Variants in FCF1 observed in about 807,000 individuals in gnomAD.
FCF1 encodes the protein rRNA-processing protein FCF1 homolog.
In FCF1, 17 loss-of-function variants were observed where a neutral mutation model predicts 32.5. The observed-to-expected ratio is 0.52, with a 90% CI of 0.36 to 0.78. The LOEUF is 0.78. FCF1 is among the 30% of genes least tolerant of loss of function. FCF1 has a pLI of 0.00. For synonymous variants in FCF1, 84 were observed against 78.4 expected, an observed-to-expected ratio of 1.07 and a Z score of -0.38; for missense variants, 201 against 241.1, an observed-to-expected ratio of 0.83 and a Z score of 1.10.
intron 5 of FCF1, among the ~76,000 whole-genome samples, chr14:74,727,410 G>C (rs2090588971): frequency 6.6e-6 from 1 of 152,136 alleles, no homozygotes; most frequent in Admixed American, 6.6e-5. Flanking sequence ...GTCTTCTTTT[G>C]AGTAGTGTCT....
intron 2 of FCF1, among the ~76,000 whole-genome samples, chr14:74,713,910 A>AGAT (rs1308343499): frequency 6.6e-6 from 1 of 152,260 alleles, no homozygotes; most frequent in African/African-American, 2.4e-5. Flanking sequence ...TCTTGTTGAA[A>AGAT]GATGGCAAGG....
Position 74,715,524 on chromosome 14 carries a change from T to C in FCF1, c.144-427T>C, listed in dbSNP as rs185612552. 2.8e-3 allele frequency: 834 copies of C among 298,982 alleles called. 3 individuals are homozygous for C. The highest frequency in any genetic ancestry group is 3.8e-3 in the Non-Finnish European group (587 of 154,632). The allele number at this position is 298,982 out of a possible 1,614,324, so 18.5% of individuals were successfully genotyped here. On this transcript the variant is annotated intron_variant, in intron 3 of 7. Coordinates refer to ENST00000341162, the MANE Select transcript of FCF1 (RefSeq NM_015962.5). ...GGGCTAGATGTGATACAGGTCCTGCTGTAGTATATAATCCTAACACTAGAC... is the reference window on the plus strand; with the variant it reads ...GGGCTAGATGTGATACAGGTCCTGCCGTAGTATATAATCCTAACACTAGAC...
At chr14:74,714,344 AATT>A (rs1460703956) in intron 2 of FCF1, among the ~76,000 whole-genome samples, 7 of 152,348 alleles carry the variant, frequency 4.6e-5, no homozygotes, top group Admixed American at 2.0e-4. Context: ...AAACCTTCAG[AATT>A]ATTATTCTCA....
chr14:74,713,205 G>C lies in FCF1; in HGVS notation c.3+5G>C. The C allele has an allele frequency of 1.2e-6, 2 of 1,614,244 alleles. No individual in the cohort carries two copies. The highest frequency in any genetic ancestry group is 1.7e-6 in the Non-Finnish European group (2 of 1,180,054). ...CAGGAGTTTGGCGTGACCATGGTGA[G>C]AGAAGACGGTCCAAGAAGGGACGTT... On this transcript the variant is annotated splice_donor_5th_base_variant and intron_variant, in intron 1 of 7. Transcript: ENST00000341162.
At chr14:74,718,211 T>G (rs1290083291) in intron 4 of FCF1, among the ~76,000 whole-genome samples, 5 of 152,152 alleles carry the variant, frequency 3.3e-5, no homozygotes, top group Non-Finnish European at 2.9e-5. Context: ...TCCTCTTACC[T>G]TGAAAAGGCC....
At chr14:74,723,492 C>T (rs2090534097) in intron 5 of FCF1, 148 bp downstream of exon 5, 1 of 584,070 alleles carries the variant, frequency 1.7e-6, no homozygotes. Flanking sequence ...CTTTCTCTCA[C>T]ACAAAAATCA....
Position 74,723,269 on chromosome 14 carries a change from C to A in FCF1, c.293-3C>A. 1 of 1,610,580 alleles carries A rather than the reference C, an allele frequency of 6.2e-7. No individual in the cohort carries two copies. The highest frequency in any genetic ancestry group is 8.5e-7 in the Non-Finnish European group (1 of 1,177,174). ...TCTTAATGTGAATTTTTTTCCCTGG[C>A]AGGTATCCCATGTATAACCGATTGT... On this transcript the variant is annotated splice_region_variant and splice_polypyrimidine_tract_variant and intron_variant, in intron 4 of 7. Transcript: ENST00000341162.
At chr14:74,713,875 C>T (rs2090371998) in intron 2 of FCF1, among the ~76,000 whole-genome samples, 1 of 152,126 alleles carries the variant, frequency 6.6e-6, no homozygotes, top group Admixed American at 6.5e-5. Context: ...ACTACATTCC[C>T]CTGGGGTGGG....
chr14:74,720,156 A>T (rs2090481247), intron 4 of FCF1, among the ~76,000 whole-genome samples: 1 of 152,318 alleles, frequency 6.6e-6, no homozygotes. Flanking sequence ...TGGATCCTGT[A>T]TTATTTTTTG....
chr14:74,734,834 G>A lies in FCF1; in HGVS notation c.549-48G>A, dbSNP rs780661406. Reference sequence around the variant, plus strand: ...CTATAAAGGATGGGTTTTTAGATGGGTTCTCTTCCCATCTTTCTTACCGGT... The same window carrying A: ...CTATAAAGGATGGGTTTTTAGATGGATTCTCTTCCCATCTTTCTTACCGGT... On this transcript the variant is annotated intron_variant, in intron 7 of 7. Transcript: ENST00000341162. 8 of 1,538,562 alleles carry A rather than the reference G, an allele frequency of 5.2e-6. No homozygotes were observed. In the Admixed American group the frequency reaches 1.3e-4, roughly 26 times the overall value.
rs1246010417 is a variant in FCF1, at chr14:74,738,267, C to G, written c.*3337C>G. On this transcript the variant is annotated 3_prime_UTR_variant, in exon 8 of 8. Coordinates refer to ENST00000341162, the MANE Select transcript of FCF1 (RefSeq NM_015962.5). ...TTGCCTTATTGCCCACCTTGGCCTT[C>G]TAAAGTATTGGGATTATGGGCATGA... The G allele has an allele frequency of 6.6e-6, 1 of 151,936 alleles. No individual in the cohort carries two copies. Among genetic ancestry groups the G allele is most frequent in the African/African-American group, 2.4e-5 (1 of 41,368 alleles). 9.4% of individuals were successfully genotyped at this position (151,936 alleles called of 1,614,324 possible).
intron 5 of FCF1, among the ~76,000 whole-genome samples, chr14:74,731,662 C>T (rs2090639569): frequency 6.6e-6 from 1 of 152,180 alleles, no homozygotes; most frequent in Admixed American, 6.5e-5. Flanking sequence ...AACCATTTTA[C>T]AGTTGGCTGG....
Position 74,715,051 on chromosome 14 carries a change from A to T in FCF1, c.143+108A>T, listed in dbSNP as rs10438165. ...CTTATTTGTTAGTAAGTCTAGCACA[A>T]CTATGTAGATGAAAGTCATATCGAT... On this transcript the variant is annotated intron_variant, in intron 3 of 7. Coordinates refer to ENST00000341162, the MANE Select transcript of FCF1 (RefSeq NM_015962.5). 3.5e-4 allele frequency: 391 copies of T among 1,126,842 alleles called. 1 individual carries two copies. In the African/African-American group the frequency reaches 5.7e-3, roughly 16 times the overall value. 69.8% of individuals were successfully genotyped at this position (1,126,842 alleles called of 1,614,324 possible).
At chr14:74,722,327 C>T (rs1027356133) in intron 4 of FCF1, among the ~76,000 whole-genome samples, 14 of 152,046 alleles carry the variant, frequency 9.2e-5, no homozygotes, top group African/African-American at 3.1e-4. Flanking sequence ...GGATTATAGG[C>T]GTGAGCCACT....
intron 5 of FCF1, among the ~76,000 whole-genome samples, chr14:74,731,985 T>C (rs1290504085): frequency 6.6e-6 from 1 of 152,148 alleles, no homozygotes; most frequent in Non-Finnish European, 1.5e-5. Context: ...CATATACATA[T>C]AGTAAAAGGT....
chr14:74,728,389 G>C (rs922235174), intron 5 of FCF1, among the ~76,000 whole-genome samples: 4 of 152,082 alleles, frequency 2.6e-5, no homozygotes, highest in Non-Finnish European at 4.4e-5. Context: ...GTTCACTCAT[G>C]ATTTGGCTCT....
Position 74,738,107 on chromosome 14 carries a change from TCTCA to T in FCF1, c.*3181_*3184del, listed in dbSNP as rs1020688753. 4 of 152,042 alleles carry T rather than the reference TCTCA, an allele frequency of 2.6e-5. No individual in the cohort carries two copies. The highest frequency in any genetic ancestry group is 9.7e-5 in the African/African-American group (4 of 41,436). The allele number at this position is 152,042 out of a possible 1,614,324, so 9.4% of individuals were successfully genotyped here. A position where few individuals can be genotyped will look rare whatever the true frequency, so the allele number is the denominator to read the frequency against. On this transcript the variant is annotated 3_prime_UTR_variant, in exon 8 of 8. Coordinates refer to ENST00000341162, the MANE Select transcript of FCF1 (RefSeq NM_015962.5). ...AATTTTTTTTTTTTTTGAGACAGTT[TCTCA>T]CTCTGTCACCCAGGCTGCAGTGCGT...
rs548157503 is a variant in FCF1, at chr14:74,715,011, G to C, written c.143+68G>C. On this transcript the variant is annotated intron_variant, in intron 3 of 7. Coordinates refer to ENST00000341162, the MANE Select transcript of FCF1 (RefSeq NM_015962.5). ...CCTCTTAGAAATCCAGGCTTTCCCT[G>C]AGCTGGTTTGCTAACTTATTTGTTA... The C allele has an allele frequency of 3.2e-5, 48 of 1,487,646 alleles. No homozygotes were observed. In the East Asian group the frequency reaches 1.1e-3, roughly 33 times the overall value. 92.2% of individuals were successfully genotyped at this position (1,487,646 alleles called of 1,614,324 possible).
At chr14:74,732,611 A>G (rs1461989505) in intron 5 of FCF1, 120 bp from the exon 6 acceptor site, 3 of 676,690 alleles carry the variant, frequency 4.4e-6, no homozygotes, top group African/African-American at 3.6e-5. Flanking sequence ...GTTAGAGGAT[A>G]AAGTTCAGGA....
Sources: allele counts gnomAD v4.1 joint callset (sites outside exome capture counted in the v4.1 genomes callset), GRCh38; gene constraint gnomAD v4.1.1; transcripts MANE v1.5; gene names NCBI Gene and HGNC (gene_info 2026-07-23, HGNC 2026-07-21).